Variants in DIAPH2 observed in about 807,000 individuals in gnomAD.
DIAPH2 encodes protein diaphanous homolog 2.
Under a neutral mutation model 92.7 loss-of-function variants are expected in DIAPH2, and 35 were observed. That is an observed-to-expected ratio of 0.38 (90% CI 0.29 to 0.50). DIAPH2 has a LOEUF of 0.50. Among genes scored for constraint, DIAPH2 ranks in the 20% least tolerant of loss-of-function variants. DIAPH2 has a pLI of 0.94. For missense variants in DIAPH2, 701 were observed against 819.5 expected (o/e 0.86, Z 1.77); for synonymous variants, 301 against 280.4 (o/e 1.07, Z -0.73).
chrX:97,109,183 C>T (rs901531906), intron 20 of DIAPH2, among the ~76,000 whole-genome samples: 13 of 111,339 alleles, frequency 1.2e-4, no homozygotes, highest in East Asian at 2.8e-4. Flanking sequence ...CTTTGGAAGG[C>T]CCAGGTGGGC....
chrX:96,969,241 G>GT (rs1264123082), intron 17 of DIAPH2, among the ~76,000 whole-genome samples: 37 of 108,478 alleles, frequency 3.4e-4, no homozygotes, highest in African/African-American at 6.0e-4. Context: ...TTTTAGAATA[G>GT]TTTTTTTTTT....
At chrX:97,104,634 G>T (rs1166817661) in intron 20 of DIAPH2, among the ~76,000 whole-genome samples, 2 of 110,408 alleles carry the variant, frequency 1.8e-5, no homozygotes, top group Admixed American at 9.7e-5. Context: ...TCCTGCTTCA[G>T]CCTCCCAAAA....
At position 97,402,863 on chromosome X, in the gene DIAPH2, C is replaced by T. The variant is rs1311985202; in HGVS notation, c.3145+18819C>T. The stretch of plus-strand genomic sequence containing the variant: ...AGTAACTACTGCATAATTTTGAAGA[C>T]CCTGTAATCTTTCAGATGTTATAAG... On this transcript the variant is annotated intron_variant, in intron 25 of 26. Transcript: ENST00000324765. Among the ~76,000 whole-genome samples, 3 of 105,635 alleles carry T rather than the reference C, an allele frequency of 2.8e-5. No homozygotes were observed. The East Asian group carries it at 9.3e-4, about 33-fold the overall frequency. The allele number at this position is 105,635 out of a possible 115,157, so 91.7% of individuals were successfully genotyped here. A position where few individuals can be genotyped will look rare whatever the true frequency, so the allele number is the denominator to read the frequency against.
chrX:97,325,543 GTTATTTTATTTTATT>G (rs58975226), intron 23 of DIAPH2, among the ~76,000 whole-genome samples: 418 of 95,070 alleles, frequency 4.4e-3, no homozygotes, highest in African/African-American at 0.013. Flanking sequence ...TCATCTTAAT[GTTATTTTATTTTATT>G]TTATTTTATT....
At chrX:96,762,939 A>G (rs1347113352) in intron 4 of DIAPH2, among the ~76,000 whole-genome samples, 2 of 111,404 alleles carry the variant, frequency 1.8e-5, no homozygotes, top group Non-Finnish European at 3.8e-5. Flanking sequence ...TGATGTATCT[A>G]TTTTAGCCTG....
At chrX:96,865,755 G>A (rs12558366) in intron 4 of DIAPH2, among the ~76,000 whole-genome samples, 11,895 of 111,533 alleles carry the variant, frequency 0.11, 565 homozygotes, top group East Asian at 0.31. Context: ...TTTCAAGATT[G>A]TTTCTAAGGA....
intron 15 of DIAPH2, among the ~76,000 whole-genome samples, chrX:96,950,607 G>A (rs149146978): frequency 0.032 from 3,553 of 111,139 alleles, 160 homozygotes; most frequent in African/African-American, 0.11. Flanking sequence ...ATGATGTCTC[G>A]CCTGGACTAT....
intron 23 of DIAPH2, among the ~76,000 whole-genome samples, chrX:97,274,896 C>T (rs1251935262): frequency 4.5e-5 from 5 of 110,832 alleles, no homozygotes; most frequent in Admixed American, 3.9e-4. Flanking sequence ...CATCTTGCAC[C>T]GCCCTTAATC....
chrX:97,210,153 G>A (rs1457626303), intron 22 of DIAPH2, among the ~76,000 whole-genome samples: 1 of 111,346 alleles, frequency 9.0e-6, no homozygotes, highest in African/African-American at 3.3e-5. Flanking sequence ...AAATTACCAG[G>A]TAGTATAAAG....
At chrX:96,744,134 A>G (rs2064135640) in intron 3 of DIAPH2, among the ~76,000 whole-genome samples, 1 of 112,555 alleles carries the variant, frequency 8.9e-6, no homozygotes, top group Non-Finnish European at 1.9e-5. Context: ...TATACCCTGA[A>G]TATTGCGTAT....
intron 17 of DIAPH2, among the ~76,000 whole-genome samples, chrX:97,036,375 T>A (rs767919285): frequency 8.9e-6 from 1 of 112,374 alleles, no homozygotes; most frequent in East Asian, 2.8e-4. Flanking sequence ...TCTTAGAAAA[T>A]TCAGTAATTC....
intron 25 of DIAPH2, among the ~76,000 whole-genome samples, chrX:97,397,028 T>C (rs1209700692): frequency 1.8e-5 from 2 of 111,981 alleles, no homozygotes; most frequent in African/African-American, 6.5e-5. Flanking sequence ...CTCAGTCCTC[T>C]GTTACACCCC....
chrX:97,167,680 G>T (rs1244363063), intron 22 of DIAPH2, among the ~76,000 whole-genome samples: 1 of 111,555 alleles, frequency 9.0e-6, no homozygotes, highest in Non-Finnish European at 1.9e-5. Context: ...TTCTAAAGCA[G>T]TTGTACTGTA....
chrX:97,293,662 T>C (rs905967016), intron 23 of DIAPH2, among the ~76,000 whole-genome samples: 1 of 112,150 alleles, frequency 8.9e-6, no homozygotes, highest in Non-Finnish European at 1.9e-5. Flanking sequence ...GAACTTTATA[T>C]TTTATAAATA....
chrX:97,503,441 A>G (rs1034342514), intron 26 of DIAPH2, among the ~76,000 whole-genome samples: 2 of 112,246 alleles, frequency 1.8e-5, no homozygotes, highest in African/African-American at 6.5e-5. Flanking sequence ...GAAGTCATAT[A>G]GTCCAAATCC....
At chrX:97,511,677 T>C (rs1266709525) in intron 26 of DIAPH2, among the ~76,000 whole-genome samples, 1 of 110,385 alleles carries the variant, frequency 9.1e-6, no homozygotes, top group East Asian at 2.8e-4. Context: ...TTTTGAAATA[T>C]GTCCCATCAA....
intron 25 of DIAPH2, among the ~76,000 whole-genome samples, chrX:97,413,054 A>G (rs1371386020): frequency 8.9e-6 from 1 of 112,111 alleles, no homozygotes; most frequent in Non-Finnish European, 1.9e-5. Context: ...AACTCATTTT[A>G]TGAGGCCAGC....
chrX:96,918,902 G>A (rs981897610), intron 9 of DIAPH2, among the ~76,000 whole-genome samples: 1 of 111,893 alleles, frequency 8.9e-6, no homozygotes, highest in African/African-American at 3.2e-5. Flanking sequence ...AAGGTAAAAG[G>A]GCAAGCAGTT....
chrX:97,435,432 A>G (rs1005373625), intron 26 of DIAPH2, among the ~76,000 whole-genome samples: 5 of 111,843 alleles, frequency 4.5e-5, no homozygotes, highest in African/African-American at 1.3e-4. Flanking sequence ...ATATGCTGTA[A>G]TAGAGATAGG....
Sources: allele counts gnomAD v4.1 joint callset (sites outside exome capture counted in the v4.1 genomes callset), GRCh38; gene constraint gnomAD v4.1.1; transcripts MANE v1.5; gene names NCBI Gene and HGNC (gene_info 2026-07-23, HGNC 2026-07-21).